REPS2: variants seen among roughly 807,000 people sequenced by gnomAD.
REPS2 encodes the protein ralBP1-associated Eps domain-containing protein 2.
REPS2 carries 23 observed loss-of-function variants against 53.6 expected under a neutral mutation model. The observed-to-expected ratio is 0.43, with a 90% CI of 0.31 to 0.61. The LOEUF (loss-of-function observed/expected upper bound fraction) is 0.61. REPS2 is among the 20% of genes least tolerant of loss of function. REPS2 has a pLI of 0.11. For synonymous variants in REPS2, 238 were observed against 218.6 expected (o/e 1.09, Z -0.78); for missense variants, 446 against 534.9 (o/e 0.83, Z 1.64).
chrX:17,054,365 G>C (rs1233554878), intron 7 of REPS2, among the ~76,000 whole-genome samples: 1 of 112,572 alleles, frequency 8.9e-6, no homozygotes, highest in African/African-American at 3.2e-5. Context: ...GCTTATTTCT[G>C]TGCTCCAGGT....
chrX:16,973,917 C>T (rs773454767), intron 1 of REPS2, among the ~76,000 whole-genome samples: 16 of 110,788 alleles, frequency 1.4e-4, no homozygotes, highest in Non-Finnish European at 3.0e-4. Flanking sequence ...TTGTTTAAAT[C>T]TAGTATACAG....
At chrX:17,172,376 T>A in the REPS2 span, among the ~76,000 whole-genome samples, 2 of 111,128 alleles carry the variant, frequency 1.8e-5, no homozygotes, top group Non-Finnish European at 3.8e-5. Flanking sequence ...TCTCATGAGA[T>A]CTGGTTGTTT....
chrX:17,138,672 C>T (rs1252464028), intron 16 of REPS2, 184 bp from the exon 17 acceptor site: 8 of 308,961 alleles, frequency 2.6e-5, no homozygotes, highest in Non-Finnish European at 3.5e-5. Flanking sequence ...AATAATTCAT[C>T]CCAATAAATT....
chrX:17,067,270 G>C (rs193218485), intron 9 of REPS2, among the ~76,000 whole-genome samples: 34 of 111,761 alleles, frequency 3.0e-4, no homozygotes, highest in Admixed American at 3.0e-3. Context: ...ATAGGCATTA[G>C]AGTGCATATT....
At position 17,110,878 on chromosome X, in the gene REPS2, A is replaced by G. The variant is rs757904282; in HGVS notation, c.1578+7099A>G. Among the ~76,000 whole-genome samples the G allele has an allele frequency of 9.3e-5, 10 of 107,576 alleles. No homozygotes were observed. In the South Asian group the frequency reaches 4.1e-3, roughly 45 times the overall value. 93.4% of individuals were successfully genotyped at this position (107,576 alleles called of 115,157 possible). On this transcript the variant is annotated intron_variant, in intron 14 of 17. Transcript: ENST00000357277. ...AAAATACAAAAATTAGCCTGGCGTGATGGTACGTGCCTGTAATCCCAGCTA... is the reference window on the plus strand; with the variant it reads ...AAAATACAAAAATTAGCCTGGCGTGGTGGTACGTGCCTGTAATCCCAGCTA...
chrX:17,047,605 G>A (rs1023471675), intron 6 of REPS2, 123 bp downstream of exon 6: 7 of 882,611 alleles, frequency 7.9e-6, no homozygotes, highest in South Asian at 2.3e-5. Context: ...ATCTAAAGTC[G>A]AATTTCTTAT....
rs2063539988 is a variant in REPS2, at chrX:17,148,791, A to T, written c.*1310A>T. 1.5e-5 allele frequency: 4 copies of T among 271,679 alleles called. No individual in the cohort carries two copies. In the Admixed American group the frequency reaches 1.7e-4, roughly 11 times the overall value. The allele number at this position is 271,679 out of a possible 1,213,427, so 22.4% of individuals were successfully genotyped here. On this transcript the variant is annotated 3_prime_UTR_variant, in exon 18 of 18. Coordinates refer to ENST00000357277, the MANE Select transcript of REPS2 (RefSeq NM_004726.3). ...GCATGCCAGCGTTAACACCACTTTG[A>T]GAGACCAATGGCAAGAAATGCTGTC...
intron 1 of REPS2, among the ~76,000 whole-genome samples, chrX:16,983,480 T>A (rs960815656): frequency 8.9e-6 from 1 of 112,301 alleles, no homozygotes; most frequent in African/African-American, 3.2e-5. Context: ...AAACTGATAT[T>A]CCTTACCTCC....
intron 1 of REPS2, among the ~76,000 whole-genome samples, chrX:16,949,081 G>A (rs1213824869): frequency 9.0e-6 from 1 of 110,639 alleles, no homozygotes; most frequent in Non-Finnish European, 1.9e-5. Context: ...GGTGGTGGTG[G>A]TGGTGGTGGT....
At chrX:17,162,665 T>TC in the REPS2 span, among the ~76,000 whole-genome samples, 1 of 112,603 alleles carries the variant, frequency 8.9e-6, no homozygotes, top group Non-Finnish European at 1.9e-5. Context: ...GTAAGAACAG[T>TC]CATACTGGCT....
intron 1 of REPS2, among the ~76,000 whole-genome samples, chrX:16,972,604 A>C (rs1266220582): frequency 2.7e-5 from 3 of 111,557 alleles, no homozygotes; most frequent in Admixed American, 9.5e-5. Flanking sequence ...TTCTTCCTGT[A>C]GTCACTCTAT....
At chrX:16,999,916 G>A (rs868009646) in intron 1 of REPS2, among the ~76,000 whole-genome samples, 72 of 102,737 alleles carry the variant, frequency 7.0e-4, no homozygotes, top group African/African-American at 2.0e-3. Context: ...GCGTAGTGGC[G>A]GGCGCCTGTA....
In REPS2 at chrX:16,951,552, CA is replaced by C. The variant is rs1569083777; in HGVS notation, c.273+4419del. ...ACACACACACACACACACACACACA[CA>C]CACACACCCCCGCTACCTACCTCTC... On this transcript the variant is annotated intron_variant, in intron 1 of 17. Transcript: ENST00000357277. Among the ~76,000 whole-genome samples the C allele has an allele frequency of 3.1e-3, 99 of 31,627 alleles. 2 individuals carry two copies. Among genetic ancestry groups the C allele is most frequent in the East Asian group, 9.8e-3 (3 of 305 alleles). 27.5% of individuals were successfully genotyped at this position (31,627 alleles called of 115,157 possible). A position where few individuals can be genotyped will look rare whatever the true frequency, so the allele number is the denominator to read the frequency against.
intron 10 of REPS2, 85 bp downstream of exon 10, chrX:17,068,556 A>T: frequency 1.4e-6 from 1 of 716,792 alleles, no homozygotes; most frequent in Non-Finnish European, 2.1e-6. Context: ...CTTCTAGAGC[A>T]TATGAGGGTG....
At chrX:17,088,278 G>A (rs1175743621) in intron 13 of REPS2, among the ~76,000 whole-genome samples, 2 of 111,586 alleles carry the variant, frequency 1.8e-5, no homozygotes, top group African/African-American at 6.5e-5. Flanking sequence ...TGCTTAGGAG[G>A]AATGCATTTG....
chrX:16,995,140 C>G (rs2061219087), intron 1 of REPS2, among the ~76,000 whole-genome samples: 1 of 112,252 alleles, frequency 8.9e-6, no homozygotes, highest in Admixed American at 9.4e-5. Flanking sequence ...CCCCTTACAC[C>G]TGCTCCCTCT....
intron 1 of REPS2, among the ~76,000 whole-genome samples, chrX:17,002,801 T>A (rs1569118613): frequency 8.9e-6 from 1 of 111,797 alleles, no homozygotes; most frequent in Non-Finnish European, 1.9e-5. Flanking sequence ...AGGGCCAGGA[T>A]AAAGAATGGT....
rs760950708 is a variant in REPS2, at chrX:17,016,199, G to A, written c.398-5924G>A. Among the ~76,000 whole-genome samples the A allele has an allele frequency of 1.7e-4, 19 of 111,175 alleles. No individual in the cohort carries two copies. In the South Asian group the frequency reaches 6.5e-3, roughly 38 times the overall value. On this transcript the variant is annotated intron_variant, in intron 2 of 17. Coordinates refer to ENST00000357277, the MANE Select transcript of REPS2 (RefSeq NM_004726.3). ...ATTTTTTCATGTGTTTTTTGACTGC[G>A]TAAATGTCTTCTTTTGAGAAGTGTC...
At chrX:16,995,916 A>G (rs2061229318) in intron 1 of REPS2, among the ~76,000 whole-genome samples, 2 of 111,480 alleles carry the variant, frequency 1.8e-5, no homozygotes, top group South Asian at 3.8e-4. Context: ...GGGACTGTCA[A>G]TTTAGGGGGA....
Sources: gnomAD v4.1 joint callset for allele counts (sites outside exome capture counted in the v4.1 genomes callset) on GRCh38, gnomAD v4.1.1 for gene constraint, MANE v1.5 for transcripts, NCBI Gene and HGNC (gene_info 2026-07-23, HGNC 2026-07-21) for gene names.